Variants in PDE2A observed in about 807,000 individuals in gnomAD.
The protein encoded by PDE2A is cGMP-dependent 3',5'-cyclic phosphodiesterase.
In PDE2A, 53 loss-of-function variants were observed where a neutral mutation model predicts 133.6. That is an observed-to-expected ratio of 0.40 (90% CI 0.32 to 0.50). The LOEUF (loss-of-function observed/expected upper bound fraction) is 0.50, where lower values mean the gene tolerates loss of function less well. PDE2A is among the 20% of genes least tolerant of loss of function. The pLI, the probability that PDE2A is intolerant of heterozygous loss-of-function variation, is 0.73. For missense variants in PDE2A, 796 were observed against 1,232.4 expected (o/e 0.65, Z 5.30); for synonymous variants, 491 against 490.2 (o/e 1.00, Z -0.02).
intron 2 of PDE2A, among the ~76,000 whole-genome samples, chr11:72,627,286 T>A (rs558452507): frequency 6.6e-6 from 1 of 152,304 alleles, no homozygotes; most frequent in Admixed American, 6.5e-5. Context: ...TGGGGAAGGA[T>A]ACACTACCCA....
chr11:72,609,163 AGT>A (rs1857098220), intron 2 of PDE2A, among the ~76,000 whole-genome samples: 1 of 152,252 alleles, frequency 6.6e-6, no homozygotes, highest in Admixed American at 6.5e-5. Flanking sequence ...ATGAGCAGTG[AGT>A]GTCTTGGTTC....
At chr11:72,650,924 CACAT>C (rs1160782096) in intron 1 of PDE2A, among the ~76,000 whole-genome samples, 75 of 135,112 alleles carry the variant, frequency 5.6e-4, no homozygotes, top group African/African-American at 2.0e-3. Context: ...CACACACACA[CACAT>C]ACACAAAGGC....
chr11:72,621,697 A>G (rs1857778323), intron 2 of PDE2A: 1 of 152,330 alleles, frequency 6.6e-6, no homozygotes, highest in Non-Finnish European at 1.5e-5. Flanking sequence ...ACACAGTTCC[A>G]CACTGGCTCT....
Position 72,596,629 on chromosome 11 carries a change from C to T in PDE2A, c.453G>A (p.Ala151=), listed in dbSNP as rs750872485. 33 of 1,515,270 alleles carry T rather than the reference C, an allele frequency of 2.2e-5. No homozygotes were observed. The highest frequency in any genetic ancestry group is 3.9e-5 in the South Asian group (3 of 76,452). 93.9% of individuals were successfully genotyped at this position (1,515,270 alleles called of 1,614,324 possible). A position where few individuals can be genotyped will look rare whatever the true frequency, so the allele number is the denominator to read the frequency against. Residue 151 remains alanine, a synonymous_variant, in exon 6 of 31, where the codon GCG becomes GCA. Transcript: ENST00000334456. Reference sequence around the variant, plus strand: ...CTGCCACGGCCCCAGCCTCCTTGTCCGCTAGCGGCATGACCAGCACTGAGG... The same window carrying T: ...CTGCCACGGCCCCAGCCTCCTTGTCTGCTAGCGGCATGACCAGCACTGAGG... The part of the protein sequence containing the change: ...PDTQVLVMPL[A]DKEAGAVAAV...
intron 2 of PDE2A, among the ~76,000 whole-genome samples, chr11:72,617,197 T>C (rs903118651): frequency 6.6e-6 from 1 of 152,196 alleles, no homozygotes; most frequent in African/African-American, 2.4e-5. Flanking sequence ...GGGTCTCTTA[T>C]GTCCTCACTG....
At chr11:72,658,867 T>C (rs979009167) in intron 1 of PDE2A, among the ~76,000 whole-genome samples, 3 of 152,002 alleles carry the variant, frequency 2.0e-5, no homozygotes, top group Non-Finnish European at 2.9e-5. Context: ...TTCTAATTTT[T>C]TTTTTCTTTT....
chr11:72,610,601 C>G (rs994325781), intron 2 of PDE2A, among the ~76,000 whole-genome samples: 1 of 152,142 alleles, frequency 6.6e-6, no homozygotes, highest in Non-Finnish European at 1.5e-5. Context: ...CTTCCTTGGT[C>G]CCTCCCACTG....
At chr11:72,639,552 G>T (rs1858862782) in intron 2 of PDE2A, among the ~76,000 whole-genome samples, 1 of 151,908 alleles carries the variant, frequency 6.6e-6, no homozygotes. Flanking sequence ...TGCGCCGTAT[G>T]CCTCCCCTCT....
Position 72,665,942 on chromosome 11 carries a change from C to T in PDE2A, c.71+8195G>A, listed in dbSNP as rs150558762. 6.6e-5 allele frequency among the ~76,000 whole-genome samples: 10 copies of T among 152,030 alleles called. No individual in the cohort carries two copies. In the East Asian group the frequency reaches 1.9e-3, roughly 29 times the overall value. ...AAAAACACGAAAAAAAAAGCAACTA[C>T]TGCAAAGAAGAAATTGAGGCTTCCA... On this transcript the variant is annotated intron_variant, in intron 1 of 30. Coordinates refer to ENST00000334456, the MANE Select transcript of PDE2A (RefSeq NM_002599.5).
chr11:72,658,007 T>C, intron 1 of PDE2A: 1 of 456,292 alleles, frequency 2.2e-6, no homozygotes, highest in Non-Finnish European at 4.4e-6. Context: ...TCATATGTTG[T>C]GCCTTCTCCT....
intron 2 of PDE2A, among the ~76,000 whole-genome samples, chr11:72,627,825 T>C (rs1732273625): frequency 6.6e-6 from 1 of 152,240 alleles, no homozygotes; most frequent in Non-Finnish European, 1.5e-5. Context: ...AAGAGGGCAT[T>C]GACTCAGCAT....
intron 2 of PDE2A, chr11:72,635,842 A>G (rs1440586780): frequency 3.0e-6 from 1 of 330,480 alleles, no homozygotes; most frequent in Non-Finnish European, 4.5e-6. Flanking sequence ...ATTCTGAAAT[A>G]CCAGTATTGA....
chr11:72,579,518 C>T lies in PDE2A; in HGVS notation c.2256+16G>A, dbSNP rs777215585. On this transcript the variant is annotated intron_variant, in intron 26 of 30. Transcript: ENST00000334456. ...CAGCTCCCCCTCAATCCCCACCCCA[C>T]CCCCAACCCCATCACCTTCCGGGAG... is the stretch of plus-strand genomic sequence containing the variant. 3 of 1,511,918 alleles carry T rather than the reference C, an allele frequency of 2.0e-6. No homozygotes were observed. The highest frequency in any genetic ancestry group is 2.7e-6 in the Non-Finnish European group (3 of 1,093,592). 93.7% of individuals were successfully genotyped at this position (1,511,918 alleles called of 1,614,324 possible).
intron 1 of PDE2A, among the ~76,000 whole-genome samples, chr11:72,648,074 G>A (rs1859177873): frequency 6.6e-6 from 1 of 152,188 alleles, no homozygotes; most frequent in African/African-American, 2.4e-5. Context: ...GCTTTCACGT[G>A]TGAATGTGTG....
At chr11:72,666,784 T>C (rs971787412) in intron 1 of PDE2A, among the ~76,000 whole-genome samples, 5 of 152,148 alleles carry the variant, frequency 3.3e-5, no homozygotes, top group Admixed American at 6.5e-5. Flanking sequence ...CACATGCATA[T>C]AACTGTTTAC....
intron 2 of PDE2A, among the ~76,000 whole-genome samples, chr11:72,637,623 C>G (rs1024490073): frequency 6.6e-6 from 1 of 152,204 alleles, no homozygotes; most frequent in Non-Finnish European, 1.5e-5. Flanking sequence ...GCGGGAAGTG[C>G]CCAGGCCAGC....
chr11:72,594,672 C>G (rs1175846807), intron 6 of PDE2A, among the ~76,000 whole-genome samples: 1 of 152,112 alleles, frequency 6.6e-6, no homozygotes, highest in Non-Finnish European at 1.5e-5. Context: ...CAGGACCACA[C>G]TCTCCCCTCA....
chr11:72,591,601 G>C (rs912125014), intron 6 of PDE2A, among the ~76,000 whole-genome samples: 1 of 152,188 alleles, frequency 6.6e-6, no homozygotes, highest in African/African-American at 2.4e-5. Flanking sequence ...TTCAATCACT[G>C]TCTCATCAAG....
chr11:72,650,229 G>A (rs1349017167), intron 1 of PDE2A, among the ~76,000 whole-genome samples: 2 of 152,022 alleles, frequency 1.3e-5, no homozygotes, highest in African/African-American at 4.8e-5. Flanking sequence ...CACCATGTTG[G>A]CCAGGCTGGT....
Sources: gnomAD v4.1 joint callset for allele counts (sites outside exome capture counted in the v4.1 genomes callset) on GRCh38, gnomAD v4.1.1 for gene constraint, MANE v1.5 for transcripts, NCBI Gene and HGNC (gene_info 2026-07-23, HGNC 2026-07-21) for gene names.